Variants in NPHS1 observed in about 807,000 individuals in gnomAD.
NPHS1 encodes the protein NPHS1 adhesion molecule, nephrin, also known as nephrin.
Under a neutral mutation model 139.7 loss-of-function variants are expected in NPHS1, and 107 were observed. The ratio of observed to expected loss-of-function variants is 0.77; its 90% CI spans 0.66 to 0.90. The LOEUF (loss-of-function observed/expected upper bound fraction) is 0.90. Among genes scored for constraint, NPHS1 ranks in the 40% least tolerant of loss-of-function variants. The pLI, the probability that NPHS1 is intolerant of heterozygous loss-of-function variation, is 0.00. For missense variants in NPHS1, 1,580 were observed against 1,654.2 expected, an observed-to-expected ratio of 0.96 and a Z score of 0.78; for synonymous variants, 707 against 706.6, an observed-to-expected ratio of 1.00 and a Z score of -0.01.
chr19:35,837,938 T>TAAAAAAAAAAAAAAAAAAAAAAAAAAAA (rs1200757977), intron 22 of NPHS1, among the ~76,000 whole-genome samples: 1 of 99,420 alleles, frequency 1.0e-5, no homozygotes, highest in Non-Finnish European at 1.9e-5. Context: ...GTTATTCTCT[T>TAAAAAAAAAAAAAAAAAAAAAAAAAAAA]AAAAAAAAAA....
Position 35,851,648 on chromosome 19 carries a change from G to A in NPHS1, c.83C>T (p.Ala28Val). The A allele has an allele frequency of 6.2e-7, 1 of 1,613,634 alleles. No individual in the cohort carries two copies. Among genetic ancestry groups the A allele is most frequent in the South Asian group, 1.1e-5 (1 of 90,954 alleles). ...TEGLAQLAIPASVPRGFWALP... is the reference protein window; with the variant it reads ...TEGLAQLAIPVSVPRGFWALP... Reference sequence around the variant, plus strand: ...GGCCCAGAAGCCCCGGGGAACGGAGGCAGGAATCGCCAACTGCGCCAGGCC... The same window carrying A: ...GGCCCAGAAGCCCCGGGGAACGGAGACAGGAATCGCCAACTGCGCCAGGCC... The change falls in exon 2 of 29, where the codon GCC (alanine) becomes GTC (valine). Residue 28 changes from alanine (A) to valine (V), a missense_variant. Coordinates refer to ENST00000378910, the MANE Select transcript of NPHS1 (RefSeq NM_004646.4).
At position 35,848,246 on chromosome 19, in the gene NPHS1, G is replaced by A. The variant is rs370645778; in HGVS notation, c.1315+7C>T. The A allele has an allele frequency of 8.1e-6, 13 of 1,614,142 alleles. No individual in the cohort carries two copies. In the African/African-American group the frequency reaches 1.6e-4, roughly 20 times the overall value. On this transcript the variant is annotated splice_region_variant and intron_variant, in intron 10 of 28. Transcript: ENST00000378910. ...GGGGGCATTGCTGGGCCAGGGCAGG[G>A]GCTCACATTTTACGTTCAGGATGAG...
At chr19:35,850,566 A>G (rs2146830365) in intron 4 of NPHS1, 121 bp from the exon 5 acceptor site, 3 of 860,316 alleles carry the variant, frequency 3.5e-6, no homozygotes, top group South Asian at 2.8e-5. Context: ...CTAGAGGAAA[A>G]GGGCCTGGGG....
At chr19:35,847,324 C>T (rs1028819062) in intron 11 of NPHS1, among the ~76,000 whole-genome samples, 13 of 132,576 alleles carry the variant, frequency 9.8e-5, no homozygotes, top group African/African-American at 3.7e-4. Flanking sequence ...GGATTACAGG[C>T]GTGAGCCACT....
rs748867055 is a variant in NPHS1, at chr19:35,844,126, G to A, written c.2189C>T (p.Ala730Val). The change falls in exon 16 of 29, where the codon GCG becomes GTG. Residue 730 changes from alanine to valine, a missense_variant. Transcript: ENST00000378910. ...HCQNSEGTAE[A>V]RLRLDVHYAP... Reference sequence around the variant, plus strand: ...ACAGTGCACGTCCAGCCGCAGCCGCGCTTCCGCGGTGCCCTCAGAGTTCTG... The same window carrying A: ...ACAGTGCACGTCCAGCCGCAGCCGCACTTCCGCGGTGCCCTCAGAGTTCTG... 5.6e-6 allele frequency: 9 copies of A among 1,608,506 alleles called. No individual in the cohort carries two copies. In the South Asian group the frequency reaches 9.9e-5, roughly 18 times the overall value.
chr19:35,848,322 T>A lies in NPHS1; in HGVS notation c.1246A>T (p.Thr416Ser). The change falls in exon 10 of 29, where the codon ACA (threonine) becomes TCA (serine). Residue 416 changes from threonine to serine, a missense_variant. Transcript: ENST00000378910. ...ARREDNGLTL[T>S]CEAFSEAFTK... Reference sequence around the variant, plus strand: ...AAGGCTTCACTGAAGGCCTCACATGTGAGGGTCAGACCGTTGTCCTCCCGC... The same window carrying A: ...AAGGCTTCACTGAAGGCCTCACATGAGAGGGTCAGACCGTTGTCCTCCCGC... The A allele has an allele frequency of 6.2e-7, 1 of 1,614,106 alleles. No homozygotes were observed. Among genetic ancestry groups the A allele is most frequent in the Non-Finnish European group, 8.5e-7 (1 of 1,180,010 alleles).
In NPHS1 at chr19:35,845,499, T is replaced by C. The variant is rs566516658; in HGVS notation, c.1799A>G (p.Lys600Arg). The change falls in exon 14 of 29, where the codon AAA (lysine) becomes AGA (arginine). Residue 600 changes from lysine (K) to arginine (R), a missense_variant. By Grantham distance (26) the Lys-to-Arg change is conservative. Transcript: ENST00000378910. This position sits in a 1 kb window ranked among gnomAD's most constrained non-coding sequence, Gnocchi z 5.5. ...VAAPPRRAPF[K>R]GSAAARSVLL... Reference sequence around the variant, plus strand: ...GACGCTCCTGGCGGCGGCGGAGCCTTTGAATGGGGCTCTCCGGGGTGGGGC... The same window carrying C: ...GACGCTCCTGGCGGCGGCGGAGCCTCTGAATGGGGCTCTCCGGGGTGGGGC... 300 of 1,613,374 alleles carry C rather than the reference T, an allele frequency of 1.9e-4. 3 individuals carry two copies. In the South Asian group the frequency reaches 3.1e-3, roughly 16 times the overall value.
intron 22 of NPHS1, 45 bp from the exon 23 acceptor site, chr19:35,835,806 A>G: frequency 6.5e-7 from 1 of 1,528,744 alleles, no homozygotes; most frequent in Middle Eastern, 1.7e-4. Context: ...TAAGAATCTG[A>G]GATAAGCTTT....
Position 35,825,874 on chromosome 19 carries a change from T to G in NPHS1, c.*640A>C, listed in dbSNP as rs535834634. 1 of 152,418 alleles carries G rather than the reference T, an allele frequency of 6.6e-6. No homozygotes were observed. Among genetic ancestry groups the G allele is most frequent in the African/African-American group, 2.4e-5 (1 of 41,554 alleles). 9.4% of individuals were successfully genotyped at this position (152,418 alleles called of 1,614,324 possible). On this transcript the variant is annotated 3_prime_UTR_variant, in exon 29 of 29. Coordinates refer to ENST00000378910, the MANE Select transcript of NPHS1 (RefSeq NM_004646.4). Reference sequence around the variant, plus strand: ...ATGAACAGAGTTTTTCATATGTCTTTCCCCACTTCTGAAAACTTTACTTCA... The same window carrying G: ...ATGAACAGAGTTTTTCATATGTCTTGCCCCACTTCTGAAAACTTTACTTCA...
intron 20 of NPHS1, among the ~76,000 whole-genome samples, chr19:35,840,753 A>G (rs1031042664): frequency 4.8e-4 from 71 of 146,910 alleles, no homozygotes; most frequent in African/African-American, 1.8e-3. Flanking sequence ...CGGTGGCGCG[A>G]ACTCAGCTCA....
chr19:35,841,879 T>C lies in NPHS1; in HGVS notation c.2664-13A>G, dbSNP rs763435984. 4 of 1,600,474 alleles carry C rather than the reference T, an allele frequency of 2.5e-6. No individual in the cohort carries two copies. The highest frequency in any genetic ancestry group is 3.4e-6 in the Non-Finnish European group (4 of 1,173,210). ...GTGCTCCGTGTACCTAGAGAGAAGG[T>C]AGGGCACCACTCACCCTTCCATTCA... On this transcript the variant is annotated splice_polypyrimidine_tract_variant and intron_variant, in intron 19 of 28. Transcript: ENST00000378910.
chr19:35,849,310 G>A lies in NPHS1; in HGVS notation c.766C>T (p.Arg256Trp), dbSNP rs386833960. The change falls in exon 7 of 29, where the codon CGG becomes TGG. Residue 256 changes from arginine to tryptophan, a missense_variant. By Grantham distance (101) the Arg-to-Trp change is moderately radical (BLOSUM62 -3). Coordinates refer to ENST00000378910, the MANE Select transcript of NPHS1 (RefSeq NM_004646.4). Reference sequence around the variant, plus strand: ...GGCAGCTCCAAGCTCTGTCCTGCCCGCACGTGCCCCTCATCCAGGCCTGGC... The same window carrying A: ...GGCAGCTCCAAGCTCTGTCCTGCCCACACGTGCCCCTCATCCAGGCCTGGC... ...EWPGLDEGHV[R>W]AGQSLELPCV... 187 of 1,612,854 alleles carry A rather than the reference G, an allele frequency of 1.2e-4. 1 individual carries two copies. The highest frequency in any genetic ancestry group is 1.2e-3 in the South Asian group (105 of 91,014).
At chr19:35,836,857 G>A (rs537317990) in intron 22 of NPHS1, among the ~76,000 whole-genome samples, 10 of 151,748 alleles carry the variant, frequency 6.6e-5, no homozygotes, top group East Asian at 5.8e-4. Context: ...TTAGCCAGGC[G>A]TGGTGGTATG....
intron 23 of NPHS1, among the ~76,000 whole-genome samples, chr19:35,835,070 G>C (rs3965480): frequency 6.7e-6 from 1 of 149,118 alleles, no homozygotes; most frequent in African/African-American, 2.5e-5. Context: ...TGTGGTGGCA[G>C]GTGCCTGTAA....
chr19:35,837,938 T>TAAAAAAAAA (rs1200757977), intron 22 of NPHS1, among the ~76,000 whole-genome samples: 4 of 99,420 alleles, frequency 4.0e-5, no homozygotes, highest in South Asian at 3.7e-4. Context: ...GTTATTCTCT[T>TAAAAAAAAA]AAAAAAAAAA....
Position 35,845,695 on chromosome 19 carries a change from G to T in NPHS1, c.1731C>A (p.Asn577Lys), listed in dbSNP as rs752025751. 1.5e-5 allele frequency: 24 copies of T among 1,614,030 alleles called. 1 individual carries two copies. The South Asian group carries it at 2.5e-4, about 17-fold the overall frequency. Residue 577 changes from asparagine to lysine, a missense_variant, in exon 13 of 29, where the codon AAC becomes AAA. Physicochemically the swap from Asn to Lys is moderately conservative, Grantham distance 94. Transcript: ENST00000378910. This position sits in a 1 kb window ranked among gnomAD's most constrained non-coding sequence, Gnocchi z 5.5. ...CVSVSSNPPV[N>K]LSWDKEGERL... Reference sequence around the variant, plus strand: ...TCTCCCCTTCCTTGTCCCAGGACAAGTTGACCGGCGGATTGCTGCTGACGC... The same window carrying T: ...TCTCCCCTTCCTTGTCCCAGGACAATTTGACCGGCGGATTGCTGCTGACGC...
Position 35,830,903 on chromosome 19 carries a change from C to T in NPHS1, c.3535G>A (p.Val1179Ile). The part of the protein sequence containing the change: ...MAFPGHLYDE[V>I]ERTYPPSGAW... ...CCAGACGGGGGGTACGTTCTTTCTA[C>T]CTCATCATACAAGTGCCCAGGGAAG... Residue 1179 changes from valine to isoleucine, a missense_variant, in exon 28 of 29, where the codon GTA becomes ATA. By Grantham distance (29) the Val-to-Ile change is conservative. Transcript: ENST00000378910. 6.2e-7 allele frequency: 1 copy of T among 1,614,112 alleles called. No individual in the cohort carries two copies. The highest frequency in any genetic ancestry group is 8.5e-7 in the Non-Finnish European group (1 of 1,179,960).
Position 35,830,199 on chromosome 19 carries a change from C to T in NPHS1, c.3594+645G>A, listed in dbSNP as rs140643943. On this transcript the variant is annotated intron_variant, in intron 28 of 28. Coordinates refer to ENST00000378910, the MANE Select transcript of NPHS1 (RefSeq NM_004646.4). ...GACCACATTTCACAGCCTCCTTTGC[C>T]GTCAGATGTGACCATGTGACTCTCT... Among the ~76,000 whole-genome samples the T allele has an allele frequency of 3.7e-4, 57 of 152,328 alleles. No individual in the cohort carries two copies. The East Asian group carries it at 8.7e-3, about 23-fold the overall frequency.
Position 35,844,425 on chromosome 19 carries a change from C to G in NPHS1, c.1965G>C (p.Val655=). ...RPEFLGEQVL[V]VTAVEQGEAL... is the part of the protein sequence containing the mutation. ...CCTCGCCCTGCTCCACCGCGGTCAC[C>G]ACCAGCACCTGCTCCCCCAGGAACT... The change falls in exon 15 of 29, where the codon GTG becomes GTC. Residue 655 remains valine (V), a synonymous_variant. Coordinates refer to ENST00000378910, the MANE Select transcript of NPHS1 (RefSeq NM_004646.4). 6.2e-7 allele frequency: 1 copy of G among 1,600,144 alleles called. No homozygotes were observed. The highest frequency in any genetic ancestry group is 8.5e-7 in the Non-Finnish European group (1 of 1,174,120).
Sources: allele counts gnomAD v4.1 joint callset (sites outside exome capture counted in the v4.1 genomes callset), GRCh38; gene constraint gnomAD v4.1.1; non-coding constraint Gnocchi (gnomAD v3.1); transcripts MANE v1.5; gene names NCBI Gene and HGNC (gene_info 2026-07-23, HGNC 2026-07-21).